The following RBFOX1 variants were observed in gnomAD, a reference collection of about 807,000 sequenced individuals.
RBFOX1 encodes the protein RNA binding protein fox-1 homolog 1.
A neutral mutation model predicts 57.7 loss-of-function variants in RBFOX1; 8 were observed. That is an observed-to-expected ratio of 0.14 (90% CI 0.08 to 0.25). RBFOX1 has a LOEUF of 0.25. Among genes scored for constraint, RBFOX1 ranks in the 10% least tolerant of loss-of-function variants. The pLI is 1.00. For missense variants in RBFOX1, 611 were observed against 548.5 expected (o/e 1.11, Z -1.14); for synonymous variants, 326 against 222.4 (o/e 1.47, Z -4.15).
intron 3 of RBFOX1, among the ~76,000 whole-genome samples, chr16:6,856,364 G>T (rs955628405): frequency 6.6e-6 from 1 of 152,130 alleles, no homozygotes; most frequent in Non-Finnish European, 1.5e-5. Flanking sequence ...CTAGGATGAT[G>T]AGTAGACTAT....
At chr16:6,855,849 C>G (rs199721261) in intron 3 of RBFOX1, among the ~76,000 whole-genome samples, 1 of 149,414 alleles carries the variant, frequency 6.7e-6, no homozygotes, top group South Asian at 2.2e-4. Context: ...CTCCCTCTTT[C>G]CCTCCCTTCC....
chr16:5,686,242 G>T lies in RBFOX1; in HGVS notation c.318+87281G>T, dbSNP rs150087048. On this transcript the variant is annotated intron_variant, in intron 3 of 19. Coordinates refer to the RBFOX1 transcript ENST00000641259. ...GCAGCTGCCTGGGGAAGGGGAACAG[G>T]TTGGGGTAAATGGAACTGGGCACTG... 4.2e-3 allele frequency among the ~76,000 whole-genome samples: 645 copies of T among 152,312 alleles called. 5 individuals are homozygous for T. Among genetic ancestry groups the T allele is most frequent in the African/African-American group, 0.015 (608 of 41,576 alleles).
intron 3 of RBFOX1, among the ~76,000 whole-genome samples, chr16:6,762,771 G>A (rs184954464): frequency 6.6e-6 from 1 of 152,128 alleles, no homozygotes; most frequent in Non-Finnish European, 1.5e-5. Context: ...AGGGGATAGG[G>A]GGTAGTCAGG....
At chr16:5,549,139 C>G (rs150164018) in intron 2 of RBFOX1, among the ~76,000 whole-genome samples, 1 of 152,206 alleles carries the variant, frequency 6.6e-6, no homozygotes, top group Non-Finnish European at 1.5e-5. Context: ...TACTTGCTTC[C>G]TCCCCTGCCT....
At chr16:6,390,559 A>T (rs1256564955) in intron 2 of RBFOX1, among the ~76,000 whole-genome samples, 2 of 152,152 alleles carry the variant, frequency 1.3e-5, no homozygotes, top group Admixed American at 1.3e-4. Flanking sequence ...AGTGAGAAAA[A>T]AAAAAGCATG....
At chr16:7,668,708 T>G (rs1337170457) in intron 13 of RBFOX1, among the ~76,000 whole-genome samples, 2 of 152,032 alleles carry the variant, frequency 1.3e-5, no homozygotes, top group African/African-American at 4.8e-5. Context: ...AGATAGGAAT[T>G]TAATTTTCAT....
intron 2 of RBFOX1, among the ~76,000 whole-genome samples, chr16:6,649,682 G>C (rs1602692409): frequency 2.0e-5 from 3 of 152,094 alleles, no homozygotes; most frequent in Non-Finnish European, 2.9e-5. Context: ...AGGTTGCTGT[G>C]AATGCCATTA....
chr16:7,327,190 A>T (rs1433835193), intron 4 of RBFOX1, among the ~76,000 whole-genome samples: 8 of 152,304 alleles, frequency 5.3e-5, no homozygotes, highest in Middle Eastern at 6.8e-3. Context: ...AACAAGATTG[A>T]TCTAAAAGGA....
chr16:5,569,558 C>A (rs929819678), intron 2 of RBFOX1, among the ~76,000 whole-genome samples: 2 of 143,810 alleles, frequency 1.4e-5, no homozygotes, highest in South Asian at 2.3e-4. Flanking sequence ...TAGATCTATG[C>A]GGTGGATACA....
chr16:6,289,323 C>T (rs1181084308), intron 1 of RBFOX1, among the ~76,000 whole-genome samples: 3 of 152,006 alleles, frequency 2.0e-5, no homozygotes, highest in Non-Finnish European at 4.4e-5. Context: ...ATTCTTTGCA[C>T]CATCAATCTA....
At chr16:6,210,001 C>G (rs944523018) in intron 1 of RBFOX1, among the ~76,000 whole-genome samples, 3 of 151,940 alleles carry the variant, frequency 2.0e-5, no homozygotes, top group Admixed American at 6.6e-5. Context: ...TCTTCTCCAT[C>G]TAGGAACATG....
chr16:5,904,604 C>T (rs1212186788), intron 4 of RBFOX1, among the ~76,000 whole-genome samples: 5 of 151,926 alleles, frequency 3.3e-5, no homozygotes. Context: ...AAATGTTCCC[C>T]CTTGAAAAGA....
intron 1 of RBFOX1, among the ~76,000 whole-genome samples, chr16:6,022,427 T>C (rs763284195): frequency 4.4e-4 from 67 of 152,130 alleles, no homozygotes; most frequent in Admixed American, 2.0e-4. Context: ...ATGCCTGTAA[T>C]CCCATCACTC....
At chr16:6,182,277 A>G (rs1199887037) in intron 1 of RBFOX1, among the ~76,000 whole-genome samples, 1 of 152,192 alleles carries the variant, frequency 6.6e-6, no homozygotes, top group Non-Finnish European at 1.5e-5. Context: ...CTTCTAATTT[A>G]GTTTTTTCCC....
chr16:7,153,891 A>G (rs1333261004), intron 4 of RBFOX1, among the ~76,000 whole-genome samples: 1 of 152,088 alleles, frequency 6.6e-6, no homozygotes, highest in Admixed American at 6.6e-5. Context: ...AGATAGAGGT[A>G]AATTGTTCTA....
At chr16:7,579,036 T>G (rs1229845891) in intron 5 of RBFOX1, among the ~76,000 whole-genome samples, 1 of 152,210 alleles carries the variant, frequency 6.6e-6, no homozygotes, top group Admixed American at 6.5e-5. Context: ...ACGTTCTGTA[T>G]TTGCATTATT....
intron 3 of RBFOX1, among the ~76,000 whole-genome samples, chr16:6,709,537 C>T (rs1194252551): frequency 6.6e-6 from 1 of 152,194 alleles, no homozygotes; most frequent in Non-Finnish European, 1.5e-5. Flanking sequence ...CTTCTTTCTA[C>T]TTTTACATTT....
At chr16:6,157,122 A>T (rs2096844035) in intron 1 of RBFOX1, among the ~76,000 whole-genome samples, 1 of 152,136 alleles carries the variant, frequency 6.6e-6, no homozygotes, top group African/African-American at 2.4e-5. Context: ...GGTGTGAGCC[A>T]ACACCCCTCT....
intron 2 of RBFOX1, among the ~76,000 whole-genome samples, chr16:6,340,173 C>G (rs1421073499): frequency 6.6e-6 from 1 of 152,058 alleles, no homozygotes; most frequent in Admixed American, 6.6e-5. Context: ...AGGATGGCTT[C>G]AGTGCTAACA....
Sources: allele counts gnomAD v4.1 joint callset (sites outside exome capture counted in the v4.1 genomes callset), GRCh38; gene constraint gnomAD v4.1.1; transcripts MANE v1.5; gene names NCBI Gene and HGNC (gene_info 2026-07-23, HGNC 2026-07-21).